TRIM61: variants seen among roughly 807,000 people sequenced by gnomAD.
TRIM61 encodes putative tripartite motif-containing protein 61.
Under a neutral mutation model 14.2 loss-of-function variants are expected in TRIM61, and 1 was observed. The observed-to-expected ratio is 0.07, with a 90% CI of 0.03 to 0.33. TRIM61 has a LOEUF of 0.33. Among genes scored for constraint, TRIM61 ranks in the 10% least tolerant of loss-of-function variants. TRIM61 has a pLI of 0.99. For synonymous variants in TRIM61, 8 were observed against 71.6 expected (o/e 0.11, Z 4.49); for missense variants, 19 against 202.2 (o/e 0.09, Z 5.49).
intron 3 of TRIM61, chr4:164,957,010 T>A (rs3733420): frequency 1.3e-6 from 2 of 1,482,134 alleles, no homozygotes; most frequent in Non-Finnish European, 1.8e-6. Context: ...GGCAGCGCCA[T>A]GTACCACAGT....
chr4:164,973,711 A>G (rs934332858), intron 2 of TRIM61, among the ~76,000 whole-genome samples: 6 of 152,340 alleles, frequency 3.9e-5, no homozygotes, highest in Admixed American at 1.3e-4. Context: ...AGTCCTTGGC[A>G]TTTAACCCAT....
rs781066030 is a variant in TRIM61, at chr4:164,962,716, G to C, written c.525+6762C>G. ...TTAAAAAAAAAAAAAAAGTACTTTG[G>C]GCCAAAGGAATATTATATATGTCAG... On this transcript the variant is annotated intron_variant, in intron 3 of 4. Transcript: ENST00000329314. Among the ~76,000 whole-genome samples the C allele has an allele frequency of 1.1e-3, 153 of 144,784 alleles. 1 individual carries two copies. Among genetic ancestry groups the C allele is most frequent in the Non-Finnish European group, 3.0e-4 (20 of 67,130 alleles). The allele number at this position is 144,784 out of a possible 152,430, so 95.0% of individuals were successfully genotyped here.
At chr4:164,970,816 C>T (rs1432666353) in intron 2 of TRIM61, among the ~76,000 whole-genome samples, 1 of 152,122 alleles carries the variant, frequency 6.6e-6, no homozygotes, top group Non-Finnish European at 1.5e-5. Flanking sequence ...ATGCTGGGAA[C>T]AGGCTGGGTG....
chr4:164,973,122 TTC>T (rs1732406290), intron 2 of TRIM61, among the ~76,000 whole-genome samples: 1 of 152,298 alleles, frequency 6.6e-6, no homozygotes, highest in African/African-American at 2.4e-5. Flanking sequence ...AAGACACATG[TTC>T]TCAAGGATAA....
intron 3 of TRIM61, chr4:164,968,720 G>A (rs1000411352): frequency 2.0e-6 from 2 of 983,040 alleles, no homozygotes; most frequent in Admixed American, 6.2e-5. Flanking sequence ...ATTATAAAAG[G>A]AAACTTCATT....
chr4:164,961,907 A>G (rs1732144319), intron 3 of TRIM61, among the ~76,000 whole-genome samples: 1 of 152,130 alleles, frequency 6.6e-6, no homozygotes, highest in Non-Finnish European at 1.5e-5. Context: ...GCTTACATGA[A>G]CCTAGATTGC....
chr4:164,961,475 C>T (rs1447604090), intron 3 of TRIM61, among the ~76,000 whole-genome samples: 1 of 151,424 alleles, frequency 6.6e-6, no homozygotes, highest in Non-Finnish European at 1.5e-5. Context: ...AACTGTGGGA[C>T]AGTATCAAAT....
intron 2 of TRIM61, among the ~76,000 whole-genome samples, chr4:164,973,959 A>T (rs1732425932): frequency 6.6e-6 from 1 of 152,216 alleles, no homozygotes; most frequent in Non-Finnish European, 1.5e-5. Flanking sequence ...ACTTGAGGTC[A>T]GCAGTTCGAG....
At chr4:164,973,555 T>C (rs1026763048) in intron 2 of TRIM61, among the ~76,000 whole-genome samples, 2 of 152,180 alleles carry the variant, frequency 1.3e-5, no homozygotes, top group Admixed American at 6.5e-5. Flanking sequence ...CCTAACAGAA[T>C]TGGGTTTTCA....
intron 3 of TRIM61, among the ~76,000 whole-genome samples, chr4:164,960,588 T>C (rs529289119): frequency 7.3e-5 from 11 of 151,482 alleles, no homozygotes; most frequent in African/African-American, 2.2e-4. Flanking sequence ...TTTCCTGTTA[T>C]GTAAACTACC....
Position 164,969,858 on chromosome 4 carries a change from C to T in TRIM61, c.145G>A (p.Asp49Asn). ...TGGCAAAAGGGGCAGGGGAAACTAT[C>T]ATGTAGATCCTTCCAGGACATAATG... The change falls in exon 3 of 5, where the codon GAT (aspartate) becomes AAT (asparagine). Residue 49 changes from aspartate to asparagine, a missense_variant. By Grantham distance (23) the Asp-to-Asn change is conservative. This residue lies in a region of TRIM61 where 17 missense variants were observed against 105.5 expected (regional missense o/e 0.16). Transcript: ENST00000329314. 1 of 1,614,022 alleles carries T rather than the reference C, an allele frequency of 6.2e-7. No homozygotes were observed. The highest frequency in any genetic ancestry group is 8.5e-7 in the Non-Finnish European group (1 of 1,179,880).
chr4:164,960,321 G>T (rs1188605337), intron 3 of TRIM61, among the ~76,000 whole-genome samples: 5 of 152,076 alleles, frequency 3.3e-5, no homozygotes, highest in Admixed American at 1.3e-4. Flanking sequence ...GAGGCGGGTG[G>T]ATCACGAGGT....
chr4:164,957,082 G>C (rs781749939), intron 3 of TRIM61: 3 of 1,548,666 alleles, frequency 1.9e-6, no homozygotes, highest in Non-Finnish European at 1.7e-6. Context: ...CCAGCGCCTG[G>C]AGAGCCAGCC....
intron 3 of TRIM61, among the ~76,000 whole-genome samples, chr4:164,960,163 A>G (rs558334115): frequency 6.6e-6 from 1 of 152,306 alleles, no homozygotes; most frequent in South Asian, 2.1e-4. Context: ...GAGGCATGGA[A>G]GAAATTCTAT....
At position 164,955,014 on chromosome 4, in the gene TRIM61, T is replaced by A. The variant is rs1209487312; in HGVS notation, c.608A>T (p.Asp203Val). The A allele has an allele frequency of 3.4e-6, 1 of 294,680 alleles. No homozygotes were observed. The highest frequency in any genetic ancestry group is 7.0e-6 in the Non-Finnish European group (1 of 143,422). The allele number at this position is 294,680 out of a possible 1,614,324, so 18.3% of individuals were successfully genotyped here. A position where few individuals can be genotyped will look rare whatever the true frequency, so the allele number is the denominator to read the frequency against. Residue 203 changes from aspartate (D) to valine (V), a missense_variant, in exon 4 of 5, where the codon GAT becomes GTT. Physicochemically the swap from Asp to Val is radical, Grantham distance 152. This residue lies in a region of TRIM61 where 2 missense variants were observed against 96.6 expected (regional missense o/e 0.02). Coordinates refer to ENST00000329314, the MANE Select transcript of TRIM61 (RefSeq NM_001012414.3). Reference sequence around the variant, plus strand: ...TACTCAGGAGCCAGAGGCAGAAGAATCGCTTGATCCCGGGAGGCGGAGGTT... The same window carrying A: ...TACTCAGGAGCCAGAGGCAGAAGAAACGCTTGATCCCGGGAGGCGGAGGTT...
chr4:164,976,295 CT>C (rs1287446730), intron 2 of TRIM61, among the ~76,000 whole-genome samples: 2 of 152,170 alleles, frequency 1.3e-5, no homozygotes, highest in Non-Finnish European at 2.9e-5. Context: ...TTTCTCTATA[CT>C]TTGTCTCTGT....
In TRIM61 at chr4:164,973,306, G is replaced by A. The variant is rs151059878; in HGVS notation, c.-337-2967C>T. On this transcript the variant is annotated intron_variant, in intron 2 of 4. Coordinates refer to ENST00000329314, the MANE Select transcript of TRIM61 (RefSeq NM_001012414.3). ...TTTGAACATGCTTATCCAACATTACGCTAATTGGCATAACCACTGGCATGA... is the reference window on the plus strand; with the variant it reads ...TTTGAACATGCTTATCCAACATTACACTAATTGGCATAACCACTGGCATGA... Among the ~76,000 whole-genome samples the A allele has an allele frequency of 5.1e-3, 772 of 152,268 alleles. 5 individuals are homozygous for A. Among genetic ancestry groups the A allele is most frequent in the African/African-American group, 0.018 (739 of 41,548 alleles).
intron 3 of TRIM61, among the ~76,000 whole-genome samples, chr4:164,960,453 G>A (rs1732108094): frequency 6.6e-6 from 1 of 151,964 alleles, no homozygotes; most frequent in African/African-American, 2.4e-5. Context: ...TACTTGGGAA[G>A]CTGAGGCAGG....
In TRIM61 at chr4:164,955,099, C is replaced by CA. The variant is rs200797852; in HGVS notation, c.526-4dup. On this transcript the variant is annotated splice_polypyrimidine_tract_variant and splice_region_variant and intron_variant, in intron 3 of 4. Transcript: ENST00000329314. The stretch of plus-strand genomic sequence containing the variant: ...CTGGTGACAGAAGGAGACTCCATCT[C>CA]AAAAAAAAAAAAAAAAAAAATTATT... 0.32 allele frequency: 27,746 copies of CA among 85,632 alleles called. 3,137 individuals are homozygous for CA. The highest frequency in any genetic ancestry group is 0.42 in the Middle Eastern group (67 of 160). The allele number at this position is 85,632 out of a possible 1,614,324, so 5.3% of individuals were successfully genotyped here. A position where few individuals can be genotyped will look rare whatever the true frequency, so the allele number is the denominator to read the frequency against.
Sources: gnomAD v4.1 joint callset for allele counts (sites outside exome capture counted in the v4.1 genomes callset) on GRCh38, gnomAD v4.1.1 for gene constraint, gnomAD v4.1.1 regional missense constraint, MANE v1.5 for transcripts, NCBI Gene and HGNC (gene_info 2026-07-23, HGNC 2026-07-21) for gene names.